Variants in HS3ST3A1 observed in about 807,000 individuals in gnomAD.
The protein encoded by HS3ST3A1 is heparan sulfate glucosamine 3-O-sulfotransferase 3A1.
In HS3ST3A1, 19 loss-of-function variants were observed where a neutral mutation model predicts 25.7. The observed-to-expected ratio is 0.74, with a 90% CI of 0.52 to 1.08. The LOEUF is 1.08. HS3ST3A1 is among the 50% of genes least tolerant of loss of function. HS3ST3A1 has a pLI of 0.00. For synonymous variants in HS3ST3A1, 226 were observed against 278.6 expected (o/e 0.81, Z 1.88); for missense variants, 459 against 594.3 (o/e 0.77, Z 2.37).
chr17:13,504,336 C>A (rs1161210397), intron 1 of HS3ST3A1, among the ~76,000 whole-genome samples: 2 of 152,138 alleles, frequency 1.3e-5, no homozygotes, highest in Non-Finnish European at 2.9e-5. Context: ...AACAAAAAAC[C>A]TGTGGGTGAA....
At chr17:13,519,799 C>T (rs749545002) in intron 1 of HS3ST3A1, among the ~76,000 whole-genome samples, 7 of 152,020 alleles carry the variant, frequency 4.6e-5, no homozygotes, top group Non-Finnish European at 1.0e-4. Flanking sequence ...AAAGTAACTC[C>T]AACCTATTGA....
In HS3ST3A1 at chr17:13,526,514, ATT is replaced by A. The variant is rs1555538284; in HGVS notation, c.600-29698_600-29697del. On this transcript the variant is annotated intron_variant, in intron 1 of 1. Transcript: ENST00000284110. ...TATATATATATATATATATATATAT[ATT>A]ATTGGGTTGGTCTGTGATTAATTTT... is the stretch of plus-strand genomic sequence containing the variant. 1.3e-4 allele frequency among the ~76,000 whole-genome samples: 16 copies of A among 125,668 alleles called. 1 individual carries two copies. The highest frequency in any genetic ancestry group is 4.1e-4 in the African/African-American group (14 of 34,436). The allele number at this position is 125,668 out of a possible 152,430, so 82.4% of individuals were successfully genotyped here. A position where few individuals can be genotyped will look rare whatever the true frequency, so the allele number is the denominator to read the frequency against.
At position 13,551,066 on chromosome 17, in the gene HS3ST3A1, C is replaced by CAAAA. The variant is rs3080921; in HGVS notation, c.599+49461_599+49464dup. 6.6e-3 allele frequency among the ~76,000 whole-genome samples: 823 copies of CAAAA among 123,878 alleles called. 9 individuals are homozygous for CAAAA. Among genetic ancestry groups the CAAAA allele is most frequent in the Non-Finnish European group, 9.8e-3 (596 of 61,108 alleles). The allele number at this position is 123,878 out of a possible 152,430, so 81.3% of individuals were successfully genotyped here. A position where few individuals can be genotyped will look rare whatever the true frequency, so the allele number is the denominator to read the frequency against. On this transcript the variant is annotated intron_variant, in intron 1 of 1. Coordinates refer to ENST00000284110, the MANE Select transcript of HS3ST3A1 (RefSeq NM_006042.3). ...TGGGCGACAGAGCGAGACTCTGTCT[C>CAAAA]AAAAAAAAAAAAAAAATGAAATCAA...
At chr17:13,524,543 G>A (rs1424320460) in intron 1 of HS3ST3A1, among the ~76,000 whole-genome samples, 1 of 152,120 alleles carries the variant, frequency 6.6e-6, no homozygotes, top group Non-Finnish European at 1.5e-5. Flanking sequence ...ATTGAGCCCG[G>A]CTTAAGCATA....
At chr17:13,504,016 C>T (rs1489573936) in intron 1 of HS3ST3A1, among the ~76,000 whole-genome samples, 1 of 152,192 alleles carries the variant, frequency 6.6e-6, no homozygotes, top group African/African-American at 2.4e-5. Flanking sequence ...GAATGAATGA[C>T]TTAAAACCTG....
intron 1 of HS3ST3A1, among the ~76,000 whole-genome samples, chr17:13,559,783 G>A (rs1462920684): frequency 6.6e-6 from 1 of 151,890 alleles, no homozygotes; most frequent in Non-Finnish European, 1.5e-5. Flanking sequence ...TAAGGCAACT[G>A]AGGAGACTGA....
At chr17:13,577,401 G>A (rs1317482272) in intron 1 of HS3ST3A1, among the ~76,000 whole-genome samples, 1 of 152,130 alleles carries the variant, frequency 6.6e-6, no homozygotes, top group African/African-American at 2.4e-5. Flanking sequence ...CTTTCTGACT[G>A]CCTCATGAAA....
intron 1 of HS3ST3A1, among the ~76,000 whole-genome samples, chr17:13,522,502 C>A (rs1202121897): frequency 3.3e-5 from 5 of 152,138 alleles, no homozygotes; most frequent in Non-Finnish European, 7.3e-5. Flanking sequence ...AACAAAATAT[C>A]ATGGGTCATT....
At position 13,533,990 on chromosome 17, in the gene HS3ST3A1, T is replaced by C. The variant is rs572856980; in HGVS notation, c.600-37172A>G. 7.2e-4 allele frequency among the ~76,000 whole-genome samples: 109 copies of C among 152,314 alleles called. 1 individual carries two copies. The highest frequency in any genetic ancestry group is 1.2e-3 in the Non-Finnish European group (81 of 68,022). Reference sequence around the variant, plus strand: ...GCCAGAAATATCAATTTGGGTACTTTCGTTTGTCTCAATTCCATAGATCCC... The same window carrying C: ...GCCAGAAATATCAATTTGGGTACTTCCGTTTGTCTCAATTCCATAGATCCC... On this transcript the variant is annotated intron_variant, in intron 1 of 1. Transcript: ENST00000284110.
At chr17:13,549,374 T>C (rs1263222027) in intron 1 of HS3ST3A1, among the ~76,000 whole-genome samples, 1 of 152,194 alleles carries the variant, frequency 6.6e-6, no homozygotes, top group African/African-American at 2.4e-5. Flanking sequence ...ACAGCTTCAT[T>C]CTTGAAGTCA....
intron 1 of HS3ST3A1, among the ~76,000 whole-genome samples, chr17:13,515,795 T>C (rs1024827225): frequency 1.3e-5 from 2 of 152,180 alleles, no homozygotes; most frequent in South Asian, 2.1e-4. Flanking sequence ...CACATCCTTG[T>C]CAGCACTTAA....
At chr17:13,585,228 CT>C (rs1224433674) in intron 1 of HS3ST3A1, among the ~76,000 whole-genome samples, 1 of 84,052 alleles carries the variant, frequency 1.2e-5, no homozygotes, top group Non-Finnish European at 2.0e-5. Context: ...GAGACAGAGT[CT>C]TGCTCTGTCG....
At chr17:13,582,960 G>A (rs1472117753) in intron 1 of HS3ST3A1, among the ~76,000 whole-genome samples, 1 of 152,168 alleles carries the variant, frequency 6.6e-6, no homozygotes, top group Admixed American at 6.5e-5. Flanking sequence ...CTGTGAAGAT[G>A]TTACAGCCAT....
chr17:13,524,852 G>C (rs1015806947), intron 1 of HS3ST3A1, among the ~76,000 whole-genome samples: 1 of 152,112 alleles, frequency 6.6e-6, no homozygotes, highest in Non-Finnish European at 1.5e-5. Flanking sequence ...GTCACTGCTT[G>C]CATTTCTAAC....
intron 1 of HS3ST3A1, among the ~76,000 whole-genome samples, chr17:13,565,979 G>A (rs1160946397): frequency 3.3e-5 from 5 of 151,968 alleles, no homozygotes; most frequent in African/African-American, 4.8e-5. Flanking sequence ...CATTGTTAAC[G>A]TTTTTCAGCT....
chr17:13,548,481 TTTAGTCCA>T (rs1907148143), intron 1 of HS3ST3A1, among the ~76,000 whole-genome samples: 1 of 152,198 alleles, frequency 6.6e-6, no homozygotes, highest in Admixed American at 6.5e-5. Context: ...CAGGAACATG[TTTAGTCCA>T]TTATATCCAC....
chr17:13,582,496 T>C (rs529085457), intron 1 of HS3ST3A1, among the ~76,000 whole-genome samples: 27 of 152,236 alleles, frequency 1.8e-4, no homozygotes, highest in Non-Finnish European at 3.5e-4. Flanking sequence ...AATATACTCA[T>C]GTAGCTATTT....
chr17:13,524,164 A>C (rs1906337168), intron 1 of HS3ST3A1, among the ~76,000 whole-genome samples: 1 of 152,282 alleles, frequency 6.6e-6, no homozygotes, highest in South Asian at 2.1e-4. Flanking sequence ...TTTGTGGCCA[A>C]GTATATACAC....
chr17:13,506,901 C>CAAAAAAAA (rs958583882), intron 1 of HS3ST3A1, among the ~76,000 whole-genome samples: 2 of 101,242 alleles, frequency 2.0e-5, no homozygotes, highest in Non-Finnish European at 2.2e-5. Context: ...TACTAAAATA[C>CAAAAAAAA]AAAAAAAAAA....
Sources: allele counts gnomAD v4.1 joint callset (sites outside exome capture counted in the v4.1 genomes callset), GRCh38; gene constraint gnomAD v4.1.1; transcripts MANE v1.5; gene names NCBI Gene and HGNC (gene_info 2026-07-23, HGNC 2026-07-21).